Variants in HAUS6 observed in about 807,000 individuals in gnomAD.
HAUS6 encodes HAUS augmin like complex subunit 6.
In HAUS6, 80 loss-of-function variants were observed where a neutral mutation model predicts 106.8. The ratio of observed to expected loss-of-function variants is 0.75; its 90% confidence interval spans 0.63 to 0.90. HAUS6 has a LOEUF of 0.90. Ranked by LOEUF, HAUS6 falls within the 40% of genes least tolerant of loss-of-function variation. The pLI is 0.00. For missense variants in HAUS6, 1,155 were observed against 1,118.1 expected (o/e 1.03, Z -0.47); for synonymous variants, 356 against 379.1 (o/e 0.94, Z 0.71).
chr9:19,078,404 G>T lies in HAUS6; in HGVS notation c.1065-102C>A. ...AGTTGTAGAGAAGTGGAAGGAAATA[G>T]AAGTGAAAGTTCAATCAATATACCA... On this transcript the variant is annotated intron_variant, in intron 9 of 16. Transcript: ENST00000380502. 5 of 682,708 alleles carry T rather than the reference G, an allele frequency of 7.3e-6. No individual in the cohort carries two copies. In the South Asian group the frequency reaches 9.6e-5, roughly 13 times the overall value. 42.3% of individuals were successfully genotyped at this position (682,708 alleles called of 1,614,324 possible).
In HAUS6 at chr9:19,063,136, C is replaced by T; in HGVS notation, c.1501G>A (p.Glu501Lys). 10 of 1,604,812 alleles carry T rather than the reference C, an allele frequency of 6.2e-6. No homozygotes were observed. The highest frequency in any genetic ancestry group is 8.5e-6 in the Non-Finnish European group (10 of 1,173,600). Residue 501 changes from glutamate to lysine, a missense_variant, in exon 14 of 17, where the codon GAA (glutamate) becomes AAA (lysine). Transcript: ENST00000380502. ...AATGGAGAATTTTCCACTTCAAATTCTGGTATTTTCTTAGAAATTGCTTCA... is the reference window on the plus strand; with the variant it reads ...AATGGAGAATTTTCCACTTCAAATTTTGGTATTTTCTTAGAAATTGCTTCA... ...KNEAISKKIP[E>K]FEVENSPLSD...
chr9:19,075,382 T>C (rs960642682), intron 11 of HAUS6, among the ~76,000 whole-genome samples: 4 of 152,238 alleles, frequency 2.6e-5, no homozygotes, highest in Non-Finnish European at 5.9e-5. Context: ...GAATTGTATA[T>C]GTGAATTATA....
At chr9:19,096,300 C>T (rs1189185829) in intron 2 of HAUS6, among the ~76,000 whole-genome samples, 1 of 152,120 alleles carries the variant, frequency 6.6e-6, no homozygotes, top group Non-Finnish European at 1.5e-5. Context: ...CGTGGTGGCT[C>T]ACGCCTGTAA....
intron 10 of HAUS6, among the ~76,000 whole-genome samples, 168 bp downstream of exon 10, chr9:19,078,008 C>A (rs1404729707): frequency 2.6e-5 from 4 of 151,760 alleles, no homozygotes; most frequent in Admixed American, 2.6e-4. Context: ...TTACAACAAG[C>A]TATGATCATG....
chr9:19,069,255 G>T (rs1836834496), intron 12 of HAUS6, among the ~76,000 whole-genome samples: 4 of 152,060 alleles, frequency 2.6e-5, no homozygotes, highest in Admixed American at 2.6e-4. Flanking sequence ...TCTCAAATTT[G>T]CATTAGATAA....
rs376700820 is a variant in HAUS6 at position 19,078,156 on chromosome 9, G to A, written c.1191+20C>T. ...AAAGGTGGGTGGCGGGGAGGGCAGG[G>A]GCAAGTCAACATTACTTACTGGAGT... is the stretch of plus-strand genomic sequence containing the variant. On this transcript the variant is annotated intron_variant, in intron 10 of 16. Coordinates refer to ENST00000380502, the MANE Select transcript of HAUS6 (RefSeq NM_017645.5). The A allele has an allele frequency of 4.4e-6, 7 of 1,588,910 alleles. No individual in the cohort carries two copies. In the African/African-American group the frequency reaches 9.5e-5, roughly 22 times the overall value.
chr9:19,083,390 G>A (rs1462017525), intron 7 of HAUS6, among the ~76,000 whole-genome samples: 5 of 152,104 alleles, frequency 3.3e-5, no homozygotes, highest in South Asian at 2.1e-4. Flanking sequence ...CTACAGGCAC[G>A]CACCACTGCA....
Position 19,080,582 on chromosome 9 carries a change from C to T in HAUS6, c.961G>A (p.Glu321Lys). 1 of 1,595,602 alleles carries T rather than the reference C, an allele frequency of 6.3e-7. No homozygotes were observed. The highest frequency in any genetic ancestry group is 8.6e-7 in the Non-Finnish European group (1 of 1,163,970). Residue 321 changes from glutamate (E) to lysine (K), a missense_variant, in exon 9 of 17, where the codon GAA becomes AAA. By Grantham distance (56) the Glu-to-Lys change is moderately conservative (BLOSUM62 1). Coordinates refer to ENST00000380502, the MANE Select transcript of HAUS6 (RefSeq NM_017645.5). ...LNEVLKVMKY[E>K]RCQADQARLT... ...CTTGCTTGATCAGCCTGACAACGTTCATATTTCATCACCTTCAAGACTTCA... is the reference window on the plus strand; with the variant it reads ...CTTGCTTGATCAGCCTGACAACGTTTATATTTCATCACCTTCAAGACTTCA...
intron 8 of HAUS6, among the ~76,000 whole-genome samples, chr9:19,082,202 C>CAT (rs1193650944): frequency 6.6e-6 from 1 of 152,130 alleles, no homozygotes; most frequent in African/African-American, 2.4e-5. Context: ...CACTTAACAG[C>CAT]ATCAAGATAA....
chr9:19,094,425 T>C (rs766414056), intron 2 of HAUS6, 30 bp from the exon 3 acceptor site: 15 of 1,272,830 alleles, frequency 1.2e-5, no homozygotes, highest in Non-Finnish European at 1.7e-5. Context: ...GCGTAAGGAC[T>C]ATGCACAACA....
At chr9:19,060,746 T>G (rs927061875) in intron 14 of HAUS6, among the ~76,000 whole-genome samples, 5 of 152,294 alleles carry the variant, frequency 3.3e-5, no homozygotes, top group African/African-American at 1.2e-4. Flanking sequence ...ACTAAAAAAG[T>G]ATCCAATATC....
intron 1 of HAUS6, among the ~76,000 whole-genome samples, chr9:19,100,452 C>A: frequency 6.6e-6 from 1 of 152,170 alleles, no homozygotes; most frequent in East Asian, 1.9e-4. Context: ...GTGGATCCTG[C>A]AGAGAAAAGG....
intron 12 of HAUS6, among the ~76,000 whole-genome samples, chr9:19,066,918 G>T (rs988835854): frequency 2.0e-5 from 3 of 151,078 alleles, no homozygotes; most frequent in African/African-American, 7.3e-5. Flanking sequence ...GAGATGGGAG[G>T]ATCACTTGAG....
At chr9:19,065,539 G>A (rs2131107434) in intron 12 of HAUS6, among the ~76,000 whole-genome samples, 1 of 152,232 alleles carries the variant, frequency 6.6e-6, no homozygotes, top group South Asian at 2.1e-4. Flanking sequence ...TTTATACTAT[G>A]TTAATGTTTT....
chr9:19,092,382 G>A (rs374925313), intron 4 of HAUS6, among the ~76,000 whole-genome samples: 6 of 150,904 alleles, frequency 4.0e-5, no homozygotes, highest in Admixed American at 2.0e-4. Context: ...TTGGGAGGCC[G>A]AGGCAGGCGG....
intron 15 of HAUS6, 59 bp downstream of exon 15, chr9:19,060,029 G>C (rs759583925): frequency 7.2e-7 from 1 of 1,384,194 alleles, no homozygotes; most frequent in South Asian, 1.3e-5. Context: ...TCAGGCCATG[G>C]TTCTAACAGT....
At position 19,060,336 on chromosome 9, in the gene HAUS6, AGAC is replaced by A. The variant is rs1365199005; in HGVS notation, c.1630-116_1630-114del. On this transcript the variant is annotated intron_variant, in intron 14 of 16. Transcript: ENST00000380502. ...CACAGTCAGCAGCCCCTCCCATTGC[AGAC>A]AACACAAAAATAAGCAACAAAGAAG... is the stretch of plus-strand genomic sequence containing the variant. 5 of 748,448 alleles carry A rather than the reference AGAC, an allele frequency of 6.7e-6. No homozygotes were observed. The African/African-American group carries it at 8.9e-5, about 13-fold the overall frequency. 46.4% of individuals were successfully genotyped at this position (748,448 alleles called of 1,614,324 possible).
Position 19,054,576 on chromosome 9 carries a change from G to A in HAUS6, c.*1767C>T, listed in dbSNP as rs1179472567. The stretch of plus-strand genomic sequence containing the variant: ...TTTTTACAAATCCAAAATGTCTACA[G>A]ACATTCTGCTCTTTTGATTCTCAGT... On this transcript the variant is annotated 3_prime_UTR_variant, in exon 17 of 17. Transcript: ENST00000380502. 1 of 151,888 alleles carries A rather than the reference G, an allele frequency of 6.6e-6. No individual in the cohort carries two copies. The highest frequency in any genetic ancestry group is 1.5e-5 in the Non-Finnish European group (1 of 67,946). The allele number at this position is 151,888 out of a possible 1,614,324, so 9.4% of individuals were successfully genotyped here.
At chr9:19,067,362 C>T (rs10963936) in intron 12 of HAUS6, among the ~76,000 whole-genome samples, 59,887 of 152,014 alleles carry the variant, frequency 0.39, 12,334 homozygotes, top group Non-Finnish European at 0.45. Context: ...ACTACTTCCA[C>T]GTCCCAGAAA....
Sources: allele counts gnomAD v4.1 joint callset (sites outside exome capture counted in the v4.1 genomes callset), GRCh38; gene constraint gnomAD v4.1.1; transcripts MANE v1.5; gene names NCBI Gene and HGNC (gene_info 2026-07-23, HGNC 2026-07-21).